ZBTB14: variants seen among roughly 807,000 people sequenced by gnomAD.
ZBTB14 encodes zinc finger and BTB domain containing 14, also known as zinc finger and BTB domain-containing protein 14.
ZBTB14 carries 8 observed loss-of-function variants against 29.5 expected under a neutral mutation model. The observed-to-expected ratio is 0.27, with a 90% CI of 0.16 to 0.49. The LOEUF is 0.49. Ranked by LOEUF, ZBTB14 falls within the 20% of genes least tolerant of loss-of-function variation. ZBTB14 has a pLI of 0.99. For missense variants in ZBTB14, 333 were observed against 563.8 expected (o/e 0.59, Z 4.15); for synonymous variants, 226 against 207.2 (o/e 1.09, Z -0.78).
At chr18:5,295,050 G>A (rs1029828834) in intron 1 of ZBTB14, among the ~76,000 whole-genome samples, 8 of 152,002 alleles carry the variant, frequency 5.3e-5, no homozygotes, top group African/African-American at 1.7e-4. Context: ...TGGTGAAAGG[G>A]CCACTTTCCC....
chr18:5,291,944 C>T lies in ZBTB14; in HGVS notation c.264G>A (p.Glu88=), dbSNP rs746655476. The T allele has an allele frequency of 4.6e-5, 74 of 1,614,038 alleles. No individual in the cohort carries two copies. The highest frequency in any genetic ancestry group is 6.2e-5 in the Non-Finnish European group (73 of 1,180,044). ...TTGCTGTGTACATGTAGTTCAGGAC[C>T]TCTTCAAATATATCAGAACGAAGAA... The part of the protein sequence containing the change: ...IDFLRSDIFE[E]VLNYMYTAKI... The change falls in exon 4 of 4, where the codon GAG becomes GAA. Residue 88 remains glutamate, a synonymous_variant. Transcript: ENST00000651870. The surrounding 1 kb of genome is among the most constrained non-coding windows in gnomAD (Gnocchi z 5.8).
At chr18:5,296,416 G>T (rs2071969080), upstream of ZBTB14, among the ~76,000 whole-genome samples, 1 of 148,740 alleles carries the variant, frequency 6.7e-6, no homozygotes, top group South Asian at 2.1e-4. Flanking sequence ...CCGGCGCAGC[G>T]CCGGGGACGC....
In ZBTB14 at chr18:5,290,753, T is replaced by A. The variant is rs28591097; in HGVS notation, c.*105A>T. ...ACTGCCTTAAGTCCAGTGAGTACAA[T>A]GTTCCATACGTTTCCACAAAAATAT... is the stretch of plus-strand genomic sequence containing the variant. On this transcript the variant is annotated 3_prime_UTR_variant, in exon 4 of 4. Transcript: ENST00000651870. The A allele has an allele frequency of 4.7e-6, 7 of 1,501,528 alleles. No homozygotes were observed. Among genetic ancestry groups the A allele is most frequent in the Admixed American group, 4.3e-5 (2 of 46,500 alleles). 93.0% of individuals were successfully genotyped at this position (1,501,528 alleles called of 1,614,324 possible).
At position 5,289,371 on chromosome 18, in the gene ZBTB14, A is replaced by C. The variant is rs1218066463; in HGVS notation, c.*1487T>G. On this transcript the variant is annotated 3_prime_UTR_variant, in exon 4 of 4. Coordinates refer to ENST00000651870, the MANE Select transcript of ZBTB14 (RefSeq NM_001243702.2). The stretch of plus-strand genomic sequence containing the variant: ...CAATAGAATTACAGGTGTTAATGCA[A>C]CAAGCTATGAAGTGAAATTACTTTA... 4 of 152,264 alleles carry C rather than the reference A, an allele frequency of 2.6e-5. No homozygotes were observed. Among genetic ancestry groups the C allele is most frequent in the Non-Finnish European group, 5.9e-5 (4 of 68,036 alleles). The allele number at this position is 152,264 out of a possible 1,614,324, so 9.4% of individuals were successfully genotyped here.
At chr18:5,296,652 C>T (rs1451077288), upstream of ZBTB14, among the ~76,000 whole-genome samples, 2 of 151,998 alleles carry the variant, frequency 1.3e-5, no homozygotes, top group African/African-American at 4.8e-5. Context: ...GGACGGTGCA[C>T]AATAAACACT....
upstream of ZBTB14, chr18:5,296,266 G>C (rs1054712575): frequency 6.7e-6 from 1 of 149,620 alleles, no homozygotes; most frequent in Middle Eastern, 3.4e-3. Context: ...CGCGGAGCCC[G>C]CGCGCGGGAG....
rs570537476 is a variant in ZBTB14 at position 5,290,313 on chromosome 18, A to G, written c.*545T>C. 3 of 152,668 alleles carry G rather than the reference A, an allele frequency of 2.0e-5. No homozygotes were observed. Among genetic ancestry groups the G allele is most frequent in the Non-Finnish European group, 4.4e-5 (3 of 68,420 alleles). 9.5% of individuals were successfully genotyped at this position (152,668 alleles called of 1,614,324 possible). A position where few individuals can be genotyped will look rare whatever the true frequency, so the allele number is the denominator to read the frequency against. Reference sequence around the variant, plus strand: ...AGTGAAAAACAGTGATATAAAATTAACAAACCAAATATAAATCTAACGCCA... The same window carrying G: ...AGTGAAAAACAGTGATATAAAATTAGCAAACCAAATATAAATCTAACGCCA... On this transcript the variant is annotated 3_prime_UTR_variant, in exon 4 of 4. Transcript: ENST00000651870.
At chr18:5,294,023 C>T (rs2071881416) in intron 1 of ZBTB14, 22 bp from the exon 2 acceptor site, 1 of 152,218 alleles carries the variant, frequency 6.6e-6, no homozygotes, top group Non-Finnish European at 1.5e-5. Context: ...AAAGTTTCCT[C>T]TACTGAACAG....
chr18:5,296,908 C>G (rs896275048), upstream of ZBTB14: 1 of 152,048 alleles, frequency 6.6e-6, no homozygotes. Flanking sequence ...AGTAATGGCT[C>G]CGTTGCTGTT....
Position 5,292,042 on chromosome 18 carries a change from C to A in ZBTB14, c.166G>T (p.Ala56Ser). 6.2e-7 allele frequency: 1 copy of A among 1,612,828 alleles called. No homozygotes were observed. Among genetic ancestry groups the A allele is most frequent in the Non-Finnish European group, 8.5e-7 (1 of 1,179,956 alleles). ...AGCTTTTTAAAGTAAGTGCTGCAGG[C>A]AGCAAGAACACATCTGTGTGCTCTG... The part of the protein sequence containing the change: ...KFRAHRCVLA[A>S]CSTYFKKLFK... Residue 56 changes from alanine (A) to serine (S), a missense_variant, in exon 4 of 4, where the codon GCC becomes TCC. This residue lies in a region of ZBTB14 where 67 missense variants were observed against 157.0 expected (regional missense o/e 0.43). Transcript: ENST00000651870.
At chr18:5,295,142 G>A (rs891421239) in intron 1 of ZBTB14, among the ~76,000 whole-genome samples, 4 of 146,464 alleles carry the variant, frequency 2.7e-5, no homozygotes, top group East Asian at 2.0e-4. Flanking sequence ...GGCGGCCCCG[G>A]CGGCGCGACG....
At chr18:5,296,248 T>C (rs1048316308), upstream of ZBTB14, 3 of 149,964 alleles carry the variant, frequency 2.0e-5, no homozygotes, top group African/African-American at 7.3e-5. Flanking sequence ...CGCGCGCGGC[T>C]TGGGGCGCGC....
At chr18:5,292,230 A>AT in intron 3 of ZBTB14, 26 bp from the exon 4 acceptor site, 1 of 1,454,300 alleles carries the variant, frequency 6.9e-7, no homozygotes, top group Non-Finnish European at 9.1e-7. Context: ...AAGTTTAGTA[A>AT]TTATAAATAG....
At chr18:5,295,410 C>T (rs942351951) in intron 1 of ZBTB14, among the ~76,000 whole-genome samples, 2 of 144,924 alleles carry the variant, frequency 1.4e-5, no homozygotes, top group Non-Finnish European at 3.1e-5. Context: ...GCCCGCGGCT[C>T]GGAGGGGCGG....
chr18:5,296,214 C>G (rs906170159), upstream of ZBTB14: 2 of 151,124 alleles, frequency 1.3e-5, no homozygotes, highest in Non-Finnish European at 3.0e-5. Flanking sequence ...CCCCGGAGGG[C>G]CCTGGCCTGC....
intron 3 of ZBTB14, among the ~76,000 whole-genome samples, chr18:5,292,899 G>A (rs979011258): frequency 1.2e-4 from 18 of 152,300 alleles, no homozygotes; most frequent in Admixed American, 1.2e-3. Flanking sequence ...TTAAGAGAAT[G>A]AGATGACATT....
intron 2 of ZBTB14, chr18:5,293,665 T>C (rs1444159929): frequency 6.1e-6 from 1 of 164,380 alleles, no homozygotes; most frequent in African/African-American, 2.4e-5. Context: ...AAAAAACAAG[T>C]GCACCGTGCC....
intron 1 of ZBTB14, among the ~76,000 whole-genome samples, chr18:5,295,193 G>A (rs1157895792): frequency 6.9e-6 from 1 of 144,086 alleles, no homozygotes; most frequent in Non-Finnish European, 1.5e-5. Context: ...GCCCCGCGCC[G>A]CGCCGCGCCC....
At chr18:5,295,832 C>G (rs1223844696), upstream of ZBTB14, 1 of 152,174 alleles carries the variant, frequency 6.6e-6, no homozygotes, top group Non-Finnish European at 1.5e-5. Context: ...GGCACAGGCA[C>G]AGACACTGCC....
Sources: gnomAD v4.1 joint callset for allele counts (sites outside exome capture counted in the v4.1 genomes callset) on GRCh38, gnomAD v4.1.1 for gene constraint, gnomAD v4.1.1 regional missense constraint, Gnocchi (gnomAD v3.1) non-coding constraint, MANE v1.5 for transcripts, NCBI Gene and HGNC (gene_info 2026-07-23, HGNC 2026-07-21) for gene names.